Variants in SOX5 observed in about 807,000 individuals in gnomAD.
The protein encoded by SOX5 is SRY-box transcription factor 5, also known as transcription factor SOX-5.
In SOX5, 9 loss-of-function variants were observed where a neutral mutation model predicts 92.0. That is an observed-to-expected ratio of 0.10 (90% CI 0.06 to 0.17). The LOEUF (loss-of-function observed/expected upper bound fraction) is 0.17, where lower values mean the gene tolerates loss of function less well. Among genes scored for constraint, SOX5 ranks in the 10% least tolerant of loss-of-function variants. SOX5 has a pLI of 1.00. For missense variants in SOX5, 642 were observed against 944.5 expected (o/e 0.68, Z 4.20); for synonymous variants, 344 against 336.3 (o/e 1.02, Z -0.25).
intron 4 of SOX5, among the ~76,000 whole-genome samples, chr12:24,206,907 T>C (rs1164995263): frequency 3.3e-5 from 5 of 152,148 alleles, no homozygotes; most frequent in African/African-American, 1.2e-4. Flanking sequence ...GATCCTCCCA[T>C]CCTTCTTGAT....
chr12:23,548,169 T>C (rs1346675024), intron 11 of SOX5, among the ~76,000 whole-genome samples: 1 of 152,134 alleles, frequency 6.6e-6, no homozygotes, highest in East Asian at 1.9e-4. Context: ...ACACATTTTC[T>C]AGAGAGTTTT....
chr12:24,359,681 G>A (rs148062169), intron 2 of SOX5, among the ~76,000 whole-genome samples: 25 of 152,210 alleles, frequency 1.6e-4, no homozygotes, highest in Middle Eastern at 3.4e-3. Context: ...GCATGCTCTC[G>A]TGCTCTTTTC....
At chr12:24,049,638 GTTTTTTTTTTTTTTT>G (rs527647441) in intron 4 of SOX5, among the ~76,000 whole-genome samples, 17 of 73,776 alleles carry the variant, frequency 2.3e-4, no homozygotes, top group African/African-American at 1.0e-3. Context: ...ATCCTTCATA[GTTTTTTTTTTTTTTT>G]TTTTTTTTTT....
rs769944592 is a variant in SOX5 at position 23,895,839 on chromosome 12, T to C, written c.224A>G (p.Gln75Arg). 4.3e-6 allele frequency: 7 copies of C among 1,613,938 alleles called. No homozygotes were observed. The highest frequency in any genetic ancestry group is 5.9e-6 in the Non-Finnish European group (7 of 1,179,942). Reference sequence around the variant, plus strand: ...GGGAGTCCTATGGCCACAAGTCTCTTGCGTCAGCAGAGAAACTGGCTGAAA... The same window carrying C: ...GGGAGTCCTATGGCCACAAGTCTCTCGCGTCAGCAGAGAAACTGGCTGAAA... ...EEFQPVSLLT[Q>R]ETCGHRTPTS... is the part of the protein sequence containing the mutation. Residue 75 changes from glutamine to arginine, a missense_variant, in exon 2 of 15, where the codon CAA becomes CGA. This residue lies in a region of SOX5 where 113 missense variants were observed against 117.7 expected (regional missense o/e 0.96). Coordinates refer to ENST00000451604, the MANE Select transcript of SOX5 (RefSeq NM_006940.6).
chr12:23,731,015 C>T (rs2093370975), intron 6 of SOX5, among the ~76,000 whole-genome samples: 1 of 152,118 alleles, frequency 6.6e-6, no homozygotes, highest in African/African-American at 2.4e-5. Flanking sequence ...TGGGCAGGCA[C>T]CTTCTAATCT....
intron 6 of SOX5, among the ~76,000 whole-genome samples, chr12:23,702,163 C>T (rs1741078293): frequency 6.6e-6 from 1 of 151,870 alleles, no homozygotes; most frequent in African/African-American, 2.4e-5. Flanking sequence ...TTATTAAATA[C>T]CTATATGTCT....
chr12:24,046,792 AC>A (rs1350977996), intron 4 of SOX5, among the ~76,000 whole-genome samples: 4 of 148,202 alleles, frequency 2.7e-5, no homozygotes, highest in African/African-American at 9.9e-5. Context: ...CCATTCTCTT[AC>A]CTCAGCCTCC....
intron 4 of SOX5, among the ~76,000 whole-genome samples, chr12:24,144,083 G>GA (rs113476142): frequency 0.018 from 2,543 of 142,258 alleles, 62 homozygotes; most frequent in African/African-American, 0.06. Flanking sequence ...CAAGCAGCCA[G>GA]AAAAAAAAAA....
At chr12:24,413,551 TCAA>T (rs1187267862) in intron 1 of SOX5, among the ~76,000 whole-genome samples, 2 of 152,196 alleles carry the variant, frequency 1.3e-5, no homozygotes, top group Non-Finnish European at 2.9e-5. Flanking sequence ...CTAAAGTGTG[TCAA>T]CAGTCTGCTT....
chr12:23,634,647 A>G (rs1017722544), intron 8 of SOX5, among the ~76,000 whole-genome samples: 1 of 152,196 alleles, frequency 6.6e-6, no homozygotes, highest in African/African-American at 2.4e-5. Context: ...GCTACCAGGC[A>G]CAGAGAGTGT....
upstream of SOX5, chr12:23,949,737 TC>T: frequency 1.0e-6 from 1 of 999,676 alleles, no homozygotes. Flanking sequence ...CCTCCCTCTC[TC>T]TCTCTCTCTC....
At chr12:24,200,328 C>T (rs749052252) in intron 4 of SOX5, among the ~76,000 whole-genome samples, 3 of 152,170 alleles carry the variant, frequency 2.0e-5, no homozygotes, top group Non-Finnish European at 4.4e-5. Context: ...TTACTACTCT[C>T]TCAATCATTG....
rs78264947 is a variant in SOX5 at position 24,111,065 on chromosome 12, G to A, written c.-2+102278C>T. 6.0e-3 allele frequency among the ~76,000 whole-genome samples: 914 copies of A among 152,096 alleles called. 7 individuals are homozygous for A. The highest frequency in any genetic ancestry group is 0.032 in the South Asian group (155 of 4,810). ...GAGACTGTGATATGCATTGTAGGGG[G>A]TATAGCAGCATCTCTGGCCTCTCTA... On this transcript the variant is annotated intron_variant, in intron 4 of 4. Coordinates refer to the SOX5 transcript ENST00000446891.
At chr12:23,789,663 T>C (rs1347076865) in intron 3 of SOX5, among the ~76,000 whole-genome samples, 1 of 152,044 alleles carries the variant, frequency 6.6e-6, no homozygotes, top group African/African-American at 2.4e-5. Context: ...ACTTTGAAAA[T>C]ATCTAGGAAA....
At chr12:23,850,404 G>C (rs919350503) in intron 2 of SOX5, among the ~76,000 whole-genome samples, 2 of 148,486 alleles carry the variant, frequency 1.3e-5, no homozygotes, top group Non-Finnish European at 3.0e-5. Flanking sequence ...ACTCCGGCCT[G>C]GTGACAGAGT....
chr12:24,446,686 G>A (rs558773287), intron 1 of SOX5, among the ~76,000 whole-genome samples: 1 of 152,164 alleles, frequency 6.6e-6, no homozygotes, highest in African/African-American at 2.4e-5. Flanking sequence ...CAGGTAAGAG[G>A]TCATTGCCAC....
In SOX5 at chr12:23,970,826, T is replaced by TTATATATATATATATATATATATATA. The variant is rs1279338430; in HGVS notation, c.-1-74803_-1-74802insTATATATATATATATATATATATATA. Among the ~76,000 whole-genome samples, 150 of 25,784 alleles carry TTATATATATATATATATATATATATA rather than the reference T, an allele frequency of 5.8e-3. 15 individuals are homozygous for TTATATATATATATATATATATATATA. Among genetic ancestry groups the TTATATATATATATATATATATATATA allele is most frequent in the East Asian group, 0.015 (9 of 614 alleles). The allele number at this position is 25,784 out of a possible 152,430, so 16.9% of individuals were successfully genotyped here. A position where few individuals can be genotyped will look rare whatever the true frequency, so the allele number is the denominator to read the frequency against. ...TGGAATTGCTAGGTCACATGGGACTTTATATATATATATAATTTTTTTTTT... is the reference window on the plus strand; with the variant it reads ...TGGAATTGCTAGGTCACATGGGACTTTATATATATATATATATATATATATATATATATATATATAATTTTTTTTTT... On this transcript the variant is annotated intron_variant, in intron 4 of 4. Coordinates refer to the SOX5 transcript ENST00000446891.
rs1338406354 is a variant in SOX5, at chr12:23,530,672, G to GTAAC, written c.*3543_*3546dup. ...ACTTATTATTAGTAACTATAAATGA[G>GTAAC]TAACTTTATTTTCTCCGGTAATGTT... On this transcript the variant is annotated 3_prime_UTR_variant, in exon 15 of 15. Coordinates refer to ENST00000451604, the MANE Select transcript of SOX5 (RefSeq NM_006940.6). 6.6e-6 allele frequency: 1 copy of GTAAC among 152,082 alleles called. No homozygotes were observed. The highest frequency in any genetic ancestry group is 2.4e-5 in the African/African-American group (1 of 41,416). The allele number at this position is 152,082 out of a possible 1,614,324, so 9.4% of individuals were successfully genotyped here.
chr12:24,096,407 T>A (rs78209295), intron 4 of SOX5, among the ~76,000 whole-genome samples: 5,728 of 152,218 alleles, frequency 0.038, 138 homozygotes, highest in Admixed American at 0.06. Flanking sequence ...TTCCAAAACA[T>A]TTACACCACC....
Sources: allele counts gnomAD v4.1 joint callset (sites outside exome capture counted in the v4.1 genomes callset), GRCh38; gene constraint gnomAD v4.1.1; regional missense constraint gnomAD v4.1.1; transcripts MANE v1.5; gene names NCBI Gene and HGNC (gene_info 2026-07-23, HGNC 2026-07-21).